GCDH: variants seen among roughly 807,000 people sequenced by gnomAD.
The protein encoded by GCDH is glutaryl-CoA dehydrogenase.
Under a neutral mutation model 52.8 loss-of-function variants are expected in GCDH, and 31 were observed. That is an observed-to-expected ratio of 0.59 (90% CI 0.44 to 0.79). The LOEUF is 0.79. Among genes scored for constraint, GCDH ranks in the 30% least tolerant of loss-of-function variants. The pLI, the probability that GCDH is intolerant of heterozygous loss-of-function variation, is 0.00. For synonymous variants in GCDH, 242 were observed against 250.0 expected, an observed-to-expected ratio of 0.97 and a Z score of 0.30; for missense variants, 509 against 595.0, an observed-to-expected ratio of 0.86 and a Z score of 1.50.
rs958111145 is a variant in GCDH at position 12,898,167 on chromosome 19, G to A, written c.1243+304G>A. The A allele has an allele frequency of 1.1e-5, 5 of 438,072 alleles. No homozygotes were observed. The Admixed American group carries it at 1.7e-4, about 15-fold the overall frequency. 27.1% of individuals were successfully genotyped at this position (438,072 alleles called of 1,614,324 possible). A position where few individuals can be genotyped will look rare whatever the true frequency, so the allele number is the denominator to read the frequency against. On this transcript the variant is annotated intron_variant, in intron 11 of 11. Transcript: ENST00000222214. Reference sequence around the variant, plus strand: ...GGTAAGCTCCGAAGGCAGCCCAGGGGTGAGGCCCGACTCCTAGCAGGCTGG... The same window carrying A: ...GGTAAGCTCCGAAGGCAGCCCAGGGATGAGGCCCGACTCCTAGCAGGCTGG...
chr19:12,896,951 G>T lies in GCDH; in HGVS notation c.894G>T (p.Ala298=). 1 of 1,613,156 alleles carries T rather than the reference G, an allele frequency of 6.2e-7. No individual in the cohort carries two copies. Among genetic ancestry groups the T allele is most frequent in the Non-Finnish European group, 8.5e-7 (1 of 1,179,960 alleles). The stretch of plus-strand genomic sequence containing the variant: ...TGAACAACGCCCGGTACGGCATCGC[G>T]TGGGGCGTGCTTGGAGCTTCGGAGT... ...GCLNNARYGI[A]WGVLGASEFC... The change falls in exon 9 of 12, where the codon GCG becomes GCT. Residue 298 remains alanine (A), a synonymous_variant. Transcript: ENST00000222214. The surrounding 1 kb of genome is among the most constrained non-coding windows in gnomAD (Gnocchi z 5.5).
chr19:12,893,600 C>G lies in GCDH; in HGVS notation c.452C>G (p.Pro151Arg). The stretch of plus-strand genomic sequence containing the variant: ...GTCCAGTCCTCCCTCGTCATGCACC[C>G]TATCTATGCCTATGGCAGCGAGGAA... ...MSVQSSLVMH[P>R]IYAYGSEEQR... Residue 151 changes from proline (P) to arginine (R), a missense_variant, in exon 6 of 12, where the codon CCT (proline) becomes CGT (arginine). Pro to Arg is a moderately radical substitution (Grantham distance 103). Coordinates refer to ENST00000222214, the MANE Select transcript of GCDH (RefSeq NM_000159.4). 1 of 1,614,140 alleles carries G rather than the reference C, an allele frequency of 6.2e-7. No homozygotes were observed.
chr19:12,899,695 T>C lies in GCDH; in HGVS notation c.*154T>C. ...TTTTTAAATATCAAAATTTCCCTTC[T>C]GAAGTCGTTCAGATGTGTTCCTTAA... On this transcript the variant is annotated 3_prime_UTR_variant, in exon 12 of 12. Coordinates refer to ENST00000222214, the MANE Select transcript of GCDH (RefSeq NM_000159.4). 6.2e-7 allele frequency: 1 copy of C among 1,612,404 alleles called. No homozygotes were observed. Among genetic ancestry groups the C allele is most frequent in the Non-Finnish European group, 8.5e-7 (1 of 1,179,230 alleles).
At chr19:12,891,578 C>T (rs749490439) in intron 3 of GCDH, 56 bp downstream of exon 3, 3 of 1,613,896 alleles carry the variant, frequency 1.9e-6, no homozygotes, top group South Asian at 2.2e-5. Flanking sequence ...TGTCTGTCTG[C>T]CGCAGGTGGA....
chr19:12,899,367 G>T (rs754877145), intron 11 of GCDH, 101 bp from the exon 12 acceptor site: 18 of 1,614,014 alleles, frequency 1.1e-5, no homozygotes, highest in Non-Finnish European at 1.4e-5. Flanking sequence ...CTGTTGGTCT[G>T]TACTTCTGAA....
Position 12,899,117 on chromosome 19 carries a change from G to C in GCDH, c.1244-351G>C, listed in dbSNP as rs143166329. On this transcript the variant is annotated intron_variant, in intron 11 of 11. Coordinates refer to ENST00000222214, the MANE Select transcript of GCDH (RefSeq NM_000159.4). Reference sequence around the variant, plus strand: ...CATTTAATAAACTGTGGGGCTGGGGGTGGGGAGAACTTGCCAAGGGTGGGG... The same window carrying C: ...CATTTAATAAACTGTGGGGCTGGGGCTGGGGAGAACTTGCCAAGGGTGGGG... 6.8e-4 allele frequency: 400 copies of C among 584,984 alleles called. 2 individuals carry two copies. In the African/African-American group the frequency reaches 6.9e-3, roughly 10 times the overall value. 36.2% of individuals were successfully genotyped at this position (584,984 alleles called of 1,614,324 possible). A position where few individuals can be genotyped will look rare whatever the true frequency, so the allele number is the denominator to read the frequency against.
rs73505326 is a variant in GCDH at position 12,893,685 on chromosome 19, G to A, written c.505+32G>A. Reference sequence around the variant, plus strand: ...GGCTGCCCATGGGGCCTGGTGGAAGGAAGACAGTCTCTGAGGTCTGGAACT... The same window carrying A: ...GGCTGCCCATGGGGCCTGGTGGAAGAAAGACAGTCTCTGAGGTCTGGAACT... On this transcript the variant is annotated intron_variant, in intron 6 of 11. Transcript: ENST00000222214. 15,131 of 1,592,658 alleles carry A rather than the reference G, an allele frequency of 9.5e-3. 1,291 individuals are homozygous for A. In the African/African-American group the frequency reaches 0.18, roughly 19 times the overall value.
chr19:12,897,562 T>G, intron 10 of GCDH, 134 bp downstream of exon 10: 1 of 1,430,332 alleles, frequency 7.0e-7, no homozygotes, highest in Non-Finnish European at 9.8e-7. Context: ...TTGTCCTTGA[T>G]GGGCTGGGCT....
In GCDH at chr19:12,891,980, C is replaced by A; in HGVS notation, c.271+6C>A. 10 of 1,614,214 alleles carry A rather than the reference C, an allele frequency of 6.2e-6. No homozygotes were observed. The highest frequency in any genetic ancestry group is 8.5e-6 in the Non-Finnish European group (10 of 1,180,032). On this transcript the variant is annotated splice_donor_region_variant and intron_variant, in intron 4 of 11. Coordinates refer to ENST00000222214, the MANE Select transcript of GCDH (RefSeq NM_000159.4). ...GTTGGCCAATCGCAACGAAGGTGGGCGGGCTGGTGGGTGCCCTGAGACTGC... is the reference window on the plus strand; with the variant it reads ...GTTGGCCAATCGCAACGAAGGTGGGAGGGCTGGTGGGTGCCCTGAGACTGC...
intron 11 of GCDH, chr19:12,899,114 G>T: frequency 1.7e-6 from 1 of 584,082 alleles, no homozygotes; most frequent in Non-Finnish European, 3.1e-6. Context: ...TGTGGGGCTG[G>T]GGGTGGGGAG....
rs1970634803 is a variant in GCDH at position 12,894,720 on chromosome 19, A to T, written c.505+1067A>T. ...AAACAGCGGCGTATTGCTCTGAAGCAGCCGCATATTAAGAAAAATAAAGAA... is the reference window on the plus strand; with the variant it reads ...AAACAGCGGCGTATTGCTCTGAAGCTGCCGCATATTAAGAAAAATAAAGAA... On this transcript the variant is annotated intron_variant, in intron 6 of 11. Transcript: ENST00000222214. The T allele has an allele frequency of 7.5e-6, 6 of 803,440 alleles. No individual in the cohort carries two copies. In the South Asian group the frequency reaches 9.4e-5, roughly 13 times the overall value. 49.8% of individuals were successfully genotyped at this position (803,440 alleles called of 1,614,324 possible).
intron 6 of GCDH, 98 bp from the exon 7 acceptor site, chr19:12,895,894 A>T: frequency 1.4e-6 from 2 of 1,457,802 alleles, no homozygotes; most frequent in African/African-American, 1.4e-5. Flanking sequence ...TGCTGGGATG[A>T]CAGGCGTGAG....
Position 12,893,532 on chromosome 19 carries a change from A to G in GCDH, c.384A>G (p.Arg128=), listed in dbSNP as rs2145944138. The change falls in exon 6 of 12, where the codon CGA becomes CGG. Residue 128 remains arginine (R), a synonymous_variant. Transcript: ENST00000222214. The part of the protein sequence containing the change: ...VSSVAYGLLA[R]ELERVDSGYR... ...CTGTGGCCTATGGGCTCCTGGCCCG[A>G]GAGCTGGAGCGGGTGGACAGTGGCT... is the stretch of plus-strand genomic sequence containing the variant. 1.2e-6 allele frequency: 2 copies of G among 1,613,828 alleles called. No homozygotes were observed. The highest frequency in any genetic ancestry group is 1.7e-6 in the Non-Finnish European group (2 of 1,179,786).
At chr19:12,894,491 G>T in intron 6 of GCDH, 1 of 720,806 alleles carries the variant, frequency 1.4e-6, no homozygotes, top group East Asian at 2.6e-5. Flanking sequence ...AGGAGAGAAG[G>T]GTATTCCTGG....
intron 9 of GCDH, 71 bp from the exon 10 acceptor site, chr19:12,897,232 G>A: frequency 6.3e-7 from 1 of 1,594,598 alleles, no homozygotes. Flanking sequence ...CCTGGAGCAG[G>A]GGGCCCCAGG....
chr19:12,896,674 C>T lies in GCDH; in HGVS notation c.853-236C>T, dbSNP rs527277326. Among the ~76,000 whole-genome samples, 4 of 152,340 alleles carry T rather than the reference C, an allele frequency of 2.6e-5. No individual in the cohort carries two copies. The highest frequency in any genetic ancestry group is 9.6e-5 in the African/African-American group (4 of 41,582). ...GACTCACAGTGCATCTTCTGGCATC[C>T]GTCAGCCTCCTGGCTCTGAGCATCG... is the stretch of plus-strand genomic sequence containing the variant. On this transcript the variant is annotated intron_variant, in intron 8 of 11. Coordinates refer to ENST00000222214, the MANE Select transcript of GCDH (RefSeq NM_000159.4). This position sits in a 1 kb window ranked among gnomAD's most constrained non-coding sequence, Gnocchi z 5.5.
chr19:12,896,615 C>T lies in GCDH; in HGVS notation c.852+194C>T, dbSNP rs1428671906. ...CCGTCTCGCTCATCCCGGCTCTGCCCGGGACACATGGGCCTGAACCAGCTC... is the reference window on the plus strand; with the variant it reads ...CCGTCTCGCTCATCCCGGCTCTGCCTGGGACACATGGGCCTGAACCAGCTC... On this transcript the variant is annotated intron_variant, in intron 8 of 11. Transcript: ENST00000222214. This position sits in a 1 kb window ranked among gnomAD's most constrained non-coding sequence, Gnocchi z 5.5. Among the ~76,000 whole-genome samples, 3 of 152,202 alleles carry T rather than the reference C, an allele frequency of 2.0e-5. No individual in the cohort carries two copies. The highest frequency in any genetic ancestry group is 4.4e-5 in the Non-Finnish European group (3 of 68,030).
At position 12,896,864 on chromosome 19, in the gene GCDH, C is replaced by A; in HGVS notation, c.853-46C>A. On this transcript the variant is annotated intron_variant, in intron 8 of 11. Coordinates refer to ENST00000222214, the MANE Select transcript of GCDH (RefSeq NM_000159.4). The surrounding 1 kb of genome is among the most constrained non-coding windows in gnomAD (Gnocchi z 5.5). ...TCAGAGTTGGTTCTGCATAGGCCCTCTTGGTGTCTCTTGGGTGGGCCTGAG... is the reference window on the plus strand; with the variant it reads ...TCAGAGTTGGTTCTGCATAGGCCCTATTGGTGTCTCTTGGGTGGGCCTGAG... The A allele has an allele frequency of 7.3e-7, 1 of 1,372,042 alleles. No individual in the cohort carries two copies. Among genetic ancestry groups the A allele is most frequent in the Non-Finnish European group, 1.0e-6 (1 of 961,564 alleles). 85.0% of individuals were successfully genotyped at this position (1,372,042 alleles called of 1,614,324 possible). A position where few individuals can be genotyped will look rare whatever the true frequency, so the allele number is the denominator to read the frequency against.
intron 6 of GCDH, chr19:12,894,629 G>T (rs1970632627): frequency 1.4e-6 from 1 of 717,192 alleles, no homozygotes; most frequent in Non-Finnish European, 2.4e-6. Context: ...AAACAAAGAA[G>T]GTAAGAAACC....
Sources: allele counts gnomAD v4.1 joint callset (sites outside exome capture counted in the v4.1 genomes callset), GRCh38; gene constraint gnomAD v4.1.1; non-coding constraint Gnocchi (gnomAD v3.1); transcripts MANE v1.5; gene names NCBI Gene and HGNC (gene_info 2026-07-23, HGNC 2026-07-21).